The following C11orf65 variants were observed in gnomAD, a reference collection of about 807,000 sequenced individuals.
The protein encoded by C11orf65 is protein MFI.
A neutral mutation model predicts 35.3 loss-of-function variants in C11orf65; 38 were observed. The observed-to-expected ratio is 1.08, with a 90% CI of 0.83 to 1.41. C11orf65 has a LOEUF of 1.41. C11orf65 is among the 40% of genes most tolerant of loss of function. The probability of loss-of-function intolerance (pLI) is 0.00; values close to 1 mark genes in which losing one functional copy is unlikely to be tolerated. For synonymous variants in C11orf65, 105 were observed against 114.4 expected (o/e 0.92, Z 0.53); for missense variants, 370 against 367.1 (o/e 1.01, Z -0.06).
At chr11:108,393,115 T>C (rs1439495172) in intron 7 of C11orf65, 93 bp downstream of exon 7, 1 of 1,350,010 alleles carries the variant, frequency 7.4e-7, no homozygotes, top group Non-Finnish European at 1.0e-6. Context: ...TGAAGATTGT[T>C]TGTGGCCCCA....
chr11:108,327,872 AT>A (rs1368808959), downstream of C11orf65: 16 of 872,244 alleles, frequency 1.8e-5, no homozygotes, highest in Middle Eastern at 2.2e-4. Flanking sequence ...ATTTTTCTAT[AT>A]ATTATTACTG....
intron 3 of C11orf65, among the ~76,000 whole-genome samples, chr11:108,414,825 T>C (rs2092708246): frequency 2.0e-5 from 3 of 152,026 alleles, no homozygotes; most frequent in Admixed American, 6.6e-5. Flanking sequence ...AAAAATTTAG[T>C]AAGTCAAATC....
intron 2 of C11orf65, among the ~76,000 whole-genome samples, chr11:108,451,845 A>T (rs1236818361): frequency 2.0e-5 from 3 of 152,358 alleles, no homozygotes; most frequent in Admixed American, 2.0e-4. Context: ...TCTCAGAAAT[A>T]ATACCACACA....
rs572902150 is a variant in C11orf65 at position 108,461,020 on chromosome 11, C to T, written c.81+459G>A. ...GATTACAGTCGTGAGCCACCACGCCCGGCCAAAAAGTCTGCTTTTTAAAGT... is the reference window on the plus strand; with the variant it reads ...GATTACAGTCGTGAGCCACCACGCCTGGCCAAAAAGTCTGCTTTTTAAAGT... On this transcript the variant is annotated intron_variant, in intron 2 of 8. Coordinates refer to ENST00000393084, the MANE Select transcript of C11orf65 (RefSeq NM_152587.5). 7.6e-4 allele frequency among the ~76,000 whole-genome samples: 116 copies of T among 152,112 alleles called. 1 individual carries two copies. The highest frequency in any genetic ancestry group is 2.4e-3 in the African/African-American group (101 of 41,506).
intron 2 of C11orf65, among the ~76,000 whole-genome samples, chr11:108,361,864 T>G (rs1289342409): frequency 6.6e-6 from 1 of 151,388 alleles, no homozygotes; most frequent in African/African-American, 2.4e-5. Context: ...AACCTAGGCA[T>G]TACCATTCAG....
At chr11:108,387,148 C>CTTTTTTTTTTTT (rs1175890979) in intron 7 of C11orf65, among the ~76,000 whole-genome samples, 12 of 84,388 alleles carry the variant, frequency 1.4e-4, no homozygotes, top group Admixed American at 2.0e-4. Context: ...TTCTTTCTTT[C>CTTTTTTTTTTTT]TTTTTTTTTT....
intron 2 of C11orf65, chr11:108,367,361 C>G (rs1246255105): frequency 2.1e-5 from 4 of 188,688 alleles, no homozygotes; most frequent in Non-Finnish European, 4.5e-5. Flanking sequence ...AGAATGTTTT[C>G]TACATTTTAT....
intron 7 of C11orf65, among the ~76,000 whole-genome samples, chr11:108,388,596 G>A (rs2092073901): frequency 6.6e-6 from 1 of 152,144 alleles, no homozygotes; most frequent in African/African-American, 2.4e-5. Context: ...AACAGACATA[G>A]GCACAGAGCT....
intron 2 of C11orf65, among the ~76,000 whole-genome samples, chr11:108,452,101 A>C (rs1211535190): frequency 6.6e-6 from 1 of 152,152 alleles, no homozygotes; most frequent in African/African-American, 2.4e-5. Context: ...ATGGGCAAGG[A>C]CTTCATGACT....
intron 3 of C11orf65, among the ~76,000 whole-genome samples, chr11:108,418,647 A>AT (rs2092774389): frequency 6.6e-6 from 1 of 152,124 alleles, no homozygotes; most frequent in Admixed American, 6.5e-5. Flanking sequence ...GAAGGAAATA[A>AT]TAAACAGCAG....
At chr11:108,437,707 T>TAAAAAAAAAAAAAAAAAAAA in intron 2 of C11orf65, among the ~76,000 whole-genome samples, 1 of 38,032 alleles carries the variant, frequency 2.6e-5, no homozygotes, top group Non-Finnish European at 4.3e-5. Flanking sequence ...GACTCAGTCT[T>TAAAAAAAAAAAAAAAAAAAA]AAAAAAAAAA....
chr11:108,433,604 C>CAAAACAA (rs2093023950), intron 2 of C11orf65, among the ~76,000 whole-genome samples: 1 of 151,650 alleles, frequency 6.6e-6, no homozygotes, highest in Non-Finnish European at 1.5e-5. Context: ...CAAAACAAAA[C>CAAAACAA]AAAACAAAAA....
chr11:108,363,339 CCTTTT>C (rs2091007534), intron 2 of C11orf65, among the ~76,000 whole-genome samples: 2 of 152,150 alleles, frequency 1.3e-5, no homozygotes, highest in Admixed American at 6.6e-5. Flanking sequence ...GGTGTATTTC[CCTTTT>C]CTTTTCAGTG....
intron 6 of C11orf65, chr11:108,325,924 A>G: frequency 1.9e-6 from 2 of 1,067,672 alleles, no homozygotes; most frequent in Non-Finnish European, 2.8e-6. Flanking sequence ...GCAGACAGAG[A>G]GGTCCTTAAG....
intron 1 of C11orf65, among the ~76,000 whole-genome samples, chr11:108,462,191 A>G (rs1208633904): frequency 6.6e-6 from 1 of 152,078 alleles, no homozygotes; most frequent in Non-Finnish European, 1.5e-5. Flanking sequence ...CTACAGGCAC[A>G]TGCTACGATG....
At chr11:108,401,863 C>T (rs1336609641) in intron 6 of C11orf65, among the ~76,000 whole-genome samples, 1 of 152,184 alleles carries the variant, frequency 6.6e-6, no homozygotes, top group Non-Finnish European at 1.5e-5. Context: ...CTAAATCAGG[C>T]TTTGATTAGC....
intron 2 of C11orf65, among the ~76,000 whole-genome samples, chr11:108,437,871 T>C (rs536863184): frequency 6.6e-6 from 1 of 152,164 alleles, no homozygotes; most frequent in South Asian, 2.1e-4. Context: ...ACGGCACTTT[T>C]TGAAAAAATA....
Position 108,390,215 on chromosome 11 carries a change from G to A in C11orf65, c.731+2993C>T, listed in dbSNP as rs190155271. Among the ~76,000 whole-genome samples the A allele has an allele frequency of 6.1e-3, 923 of 151,426 alleles. 6 individuals carry two copies. The highest frequency in any genetic ancestry group is 0.011 in the East Asian group (54 of 5,102). ...TAATTTTTGTATTTTTAGTGGAGAC[G>A]GGGTTTCACCGTGTTAGCCAGGATA... On this transcript the variant is annotated intron_variant, in intron 7 of 8. Coordinates refer to ENST00000393084, the MANE Select transcript of C11orf65 (RefSeq NM_152587.5).
intron 6 of C11orf65, among the ~76,000 whole-genome samples, chr11:108,397,325 A>G (rs2092337967): frequency 6.6e-6 from 1 of 152,070 alleles, no homozygotes; most frequent in African/African-American, 2.4e-5. Context: ...TCTCAAAAAA[A>G]AAAAAAAAAA....
Sources: allele counts gnomAD v4.1 joint callset (sites outside exome capture counted in the v4.1 genomes callset), GRCh38; gene constraint gnomAD v4.1.1; transcripts MANE v1.5; gene names NCBI Gene and HGNC (gene_info 2026-07-23, HGNC 2026-07-21).